The following ULK4 variants were observed in gnomAD, a reference collection of about 807,000 sequenced individuals.
ULK4 encodes unc-51 like kinase 4, also known as inactive serine/threonine-protein kinase ULK4.
A neutral mutation model predicts 160.6 loss-of-function variants in ULK4; 133 were observed. The ratio of observed to expected loss-of-function variants is 0.83; its 90% CI spans 0.72 to 0.96. ULK4 has a LOEUF of 0.96. Among genes scored for constraint, ULK4 ranks in the 40% least tolerant of loss-of-function variants. The pLI, the probability that ULK4 is intolerant of heterozygous loss-of-function variation, is 0.00. For synonymous variants in ULK4, 534 were observed against 539.8 expected, an observed-to-expected ratio of 0.99 and a Z score of 0.15; for missense variants, 1,580 against 1,499.5, an observed-to-expected ratio of 1.05 and a Z score of -0.89.
intron 22 of ULK4, among the ~76,000 whole-genome samples, chr3:41,720,482 T>C (rs2037412011): frequency 6.7e-6 from 1 of 150,052 alleles, no homozygotes; most frequent in African/African-American, 2.4e-5. Context: ...TGGAGAAAAA[T>C]ATTTCCATTC....
chr3:41,842,189 ATAAAAAAAAAG>A (rs1258147511), intron 17 of ULK4, among the ~76,000 whole-genome samples: 8 of 126,104 alleles, frequency 6.3e-5, no homozygotes, highest in African/African-American at 3.5e-4. Context: ...AAAAAAAAAA[ATAAAAAAAAAG>A]AAGACTAAGG....
intron 22 of ULK4, among the ~76,000 whole-genome samples, chr3:41,726,341 C>T (rs2037651105): frequency 6.6e-6 from 1 of 152,130 alleles, no homozygotes; most frequent in Non-Finnish European, 1.5e-5. Context: ...CAATGCCTCC[C>T]CATTACAAGA....
At chr3:41,758,887 AAAG>A (rs1276432490) in intron 21 of ULK4, among the ~76,000 whole-genome samples, 2 of 152,144 alleles carry the variant, frequency 1.3e-5, no homozygotes, top group African/African-American at 4.8e-5. Context: ...AAAAAAAAAA[AAAG>A]GTGTAATTCA....
At chr3:41,771,804 C>T (rs923650572) in intron 21 of ULK4, among the ~76,000 whole-genome samples, 2 of 152,142 alleles carry the variant, frequency 1.3e-5, no homozygotes, top group Non-Finnish European at 2.9e-5. Context: ...AATACCAATC[C>T]TTTTATTTAA....
intron 18 of ULK4, among the ~76,000 whole-genome samples, chr3:41,834,083 T>G (rs1575795370): frequency 6.6e-6 from 1 of 151,372 alleles, no homozygotes; most frequent in East Asian, 1.9e-4. Flanking sequence ...ATTATAATAT[T>G]TATTGGGGAG....
intron 1 of ULK4, among the ~76,000 whole-genome samples, chr3:41,959,123 G>C (rs935779252): frequency 2.0e-5 from 3 of 152,100 alleles, no homozygotes; most frequent in Admixed American, 6.5e-5. Flanking sequence ...CAGCACTTTG[G>C]GGGGCCGAGG....
At chr3:41,921,982 C>T (rs889223355) in intron 5 of ULK4, among the ~76,000 whole-genome samples, 7 of 151,804 alleles carry the variant, frequency 4.6e-5, no homozygotes, top group African/African-American at 1.2e-4. Flanking sequence ...GGACAAACCC[C>T]ATCTCTACTA....
intron 20 of ULK4, among the ~76,000 whole-genome samples, chr3:41,797,942 A>G (rs1293282567): frequency 6.6e-6 from 1 of 152,020 alleles, no homozygotes. Context: ...AAAGAAAAGA[A>G]AAAAGAAAGA....
intron 17 of ULK4, among the ~76,000 whole-genome samples, chr3:41,865,127 C>A (rs1357727367): frequency 1.3e-5 from 2 of 151,860 alleles, no homozygotes; most frequent in African/African-American, 2.4e-5. Context: ...CAAAAATTAG[C>A]CAGATGTGGT....
intron 22 of ULK4, among the ~76,000 whole-genome samples, chr3:41,720,522 TAC>T (rs1309679709): frequency 6.6e-6 from 1 of 151,918 alleles, no homozygotes; most frequent in Non-Finnish European, 1.5e-5. Context: ...ATTATATATG[TAC>T]ACACACACAT....
chr3:41,633,414 C>T (rs112029156), intron 30 of ULK4, among the ~76,000 whole-genome samples: 1 of 152,216 alleles, frequency 6.6e-6, no homozygotes, highest in Non-Finnish European at 1.5e-5. Context: ...TCTGCGTTTG[C>T]TTTTATGATA....
At chr3:41,273,863 C>T (rs1043074941) in intron 35 of ULK4, among the ~76,000 whole-genome samples, 5 of 136,686 alleles carry the variant, frequency 3.7e-5, no homozygotes, top group African/African-American at 1.7e-4. Flanking sequence ...CTCAGATTTC[C>T]CTCTCTTCAC....
At chr3:41,549,658 G>T (rs939017763) in intron 32 of ULK4, among the ~76,000 whole-genome samples, 2 of 152,016 alleles carry the variant, frequency 1.3e-5, no homozygotes, top group African/African-American at 4.8e-5. Flanking sequence ...CCTAAGTCTT[G>T]CAAGATCTTT....
At chr3:41,889,306 C>T (rs1347038277) in intron 16 of ULK4, among the ~76,000 whole-genome samples, 1 of 151,912 alleles carries the variant, frequency 6.6e-6, no homozygotes, top group Non-Finnish European at 1.5e-5. Flanking sequence ...GTATATGATA[C>T]ACCAAATATA....
At chr3:41,733,862 G>A (rs1221948459) in intron 22 of ULK4, among the ~76,000 whole-genome samples, 1 of 150,528 alleles carries the variant, frequency 6.6e-6, no homozygotes, top group African/African-American at 2.4e-5. Flanking sequence ...AGCCTCCCAA[G>A]TAGCTGTGAT....
intron 17 of ULK4, among the ~76,000 whole-genome samples, chr3:41,866,867 T>C (rs1302562171): frequency 6.6e-6 from 1 of 152,226 alleles, no homozygotes; most frequent in African/African-American, 2.4e-5. Context: ...TCAAGCACTT[T>C]TTCCATTTGT....
At chr3:41,767,872 A>C (rs775590803) in intron 21 of ULK4, among the ~76,000 whole-genome samples, 3 of 152,152 alleles carry the variant, frequency 2.0e-5, no homozygotes, top group Non-Finnish European at 4.4e-5. Context: ...GGATGAACAA[A>C]TGAGCTTATG....
At chr3:41,872,326 G>T (rs184132937) in intron 17 of ULK4, among the ~76,000 whole-genome samples, 1 of 152,166 alleles carries the variant, frequency 6.6e-6, no homozygotes, top group Non-Finnish European at 1.5e-5. Flanking sequence ...ACAGGGTGTC[G>T]TTCAGCACAT....
chr3:41,523,065 C>T (rs1461282331), intron 32 of ULK4, among the ~76,000 whole-genome samples: 3 of 152,086 alleles, frequency 2.0e-5, no homozygotes, highest in African/African-American at 7.2e-5. Flanking sequence ...TTCACCACCA[C>T]GCCCGACTAA....
Sources: gnomAD v4.1 joint callset for allele counts (sites outside exome capture counted in the v4.1 genomes callset) on GRCh38, gnomAD v4.1.1 for gene constraint, MANE v1.5 for transcripts, NCBI Gene and HGNC (gene_info 2026-07-23, HGNC 2026-07-21) for gene names.